PRKAR1A: variants seen among roughly 807,000 people sequenced by gnomAD.
The protein encoded by PRKAR1A is cAMP-dependent protein kinase type I-alpha regulatory subunit.
In PRKAR1A, 3 loss-of-function variants were observed where a neutral mutation model predicts 52.0. The ratio of observed to expected loss-of-function variants is 0.06; its 90% confidence interval spans 0.03 to 0.15. The LOEUF (loss-of-function observed/expected upper bound fraction) is 0.15, where lower values mean the gene tolerates loss of function less well. PRKAR1A is among the 10% of genes least tolerant of loss of function. PRKAR1A has a pLI of 1.00. For missense variants in PRKAR1A, 240 were observed against 477.4 expected (o/e 0.50, Z 4.63); for synonymous variants, 188 against 168.4 (o/e 1.12, Z -0.90).
chr17:68,456,869 T>C, the PRKAR1A span, among the ~76,000 whole-genome samples: 1 of 152,232 alleles, frequency 6.6e-6, no homozygotes, highest in Non-Finnish European at 1.5e-5. Flanking sequence ...AGATGCCACG[T>C]TGAGATGCTC....
chr17:68,426,254 G>GGGGGGGGGGGCCCCCCCCCCCCCC, the PRKAR1A span: 1 of 816,922 alleles, frequency 1.2e-6, no homozygotes, highest in Non-Finnish European at 1.9e-6. Context: ...GGGAGCGGGG[G>GGGGGGGGGGGCCCCCCCCCCCCCC]CTCAAATAAA....
chr17:68,543,613 TG>T (rs1449053537), intron 11 of PRKAR1A: 1 of 1,613,050 alleles, frequency 6.2e-7, no homozygotes. Flanking sequence ...GCCATCTCCA[TG>T]GGGCCAGACC....
Position 68,541,945 on chromosome 17 carries a change from C to T in PRKAR1A, c.974-9139C>T, listed in dbSNP as rs373114421. The T allele has an allele frequency of 3.6e-4, 577 of 1,589,012 alleles. 2 individuals are homozygous for T. Among genetic ancestry groups the T allele is most frequent in the Non-Finnish European group, 4.7e-4 (544 of 1,165,196 alleles). Reference sequence around the variant, plus strand: ...GTCCCTGGTACAGGGTCTGTGGCTACTGTCAAGGACTGGGCTGTGTGGCCT... The same window carrying T: ...GTCCCTGGTACAGGGTCTGTGGCTATTGTCAAGGACTGGGCTGTGTGGCCT... On this transcript the variant is annotated intron_variant, in intron 11 of 11. Coordinates refer to the PRKAR1A transcript ENST00000585981.
At chr17:68,420,552 C>G in the PRKAR1A span, 8 of 1,427,368 alleles carry the variant, frequency 5.6e-6, no homozygotes, top group African/African-American at 9.9e-5. Flanking sequence ...TACAAACACA[C>G]GCTTTAGTTT....
downstream of PRKAR1A, chr17:68,537,560 C>T (rs1437528689): frequency 1.9e-6 from 3 of 1,613,162 alleles, no homozygotes; most frequent in Admixed American, 1.7e-5. This position sits in a 1 kb window ranked among gnomAD's most constrained non-coding sequence, Gnocchi z 4.2. Context: ...TGTCCATGGG[C>T]CACTATGCAC....
At chr17:68,474,046 G>C in the PRKAR1A span, among the ~76,000 whole-genome samples, 1 of 151,958 alleles carries the variant, frequency 6.6e-6, no homozygotes, top group South Asian at 2.1e-4. Flanking sequence ...AGGAACTCTT[G>C]AAGAAAAAAA....
At chr17:68,464,410 A>G in the PRKAR1A span, among the ~76,000 whole-genome samples, 13 of 152,048 alleles carry the variant, frequency 8.5e-5, no homozygotes, top group East Asian at 5.8e-4. Context: ...TGATGTGCAC[A>G]CCCTCTTGCT....
chr17:68,545,063 C>T (rs1404610446), intron 11 of PRKAR1A, among the ~76,000 whole-genome samples: 1 of 152,166 alleles, frequency 6.6e-6, no homozygotes, highest in Non-Finnish European at 1.5e-5. Flanking sequence ...GTTCTACATT[C>T]TCTCTTTAAT....
intron 11 of PRKAR1A, among the ~76,000 whole-genome samples, chr17:68,544,679 A>T (rs2086467084): frequency 6.6e-6 from 1 of 152,122 alleles, no homozygotes; most frequent in African/African-American, 2.4e-5. Flanking sequence ...AAAAGTAGAG[A>T]TTCTATTTTA....
intron 11 of PRKAR1A, among the ~76,000 whole-genome samples, chr17:68,547,258 C>G (rs1315962354): frequency 1.3e-5 from 2 of 152,120 alleles, no homozygotes; most frequent in Non-Finnish European, 2.9e-5. Flanking sequence ...TCCTTTGAAT[C>G]TTTATCATTA....
chr17:68,540,102 G>A, intron 11 of PRKAR1A: 1 of 754,856 alleles, frequency 1.3e-6, no homozygotes, highest in Admixed American at 2.0e-5. Flanking sequence ...GCCTCACACT[G>A]TCATTTCCTC....
chr17:68,536,265 T>C (rs772210435), downstream of PRKAR1A: 2 of 454,054 alleles, frequency 4.4e-6, no homozygotes, highest in Non-Finnish European at 8.8e-6. Context: ...ATTTGAACTC[T>C]GGCCTTTACT....
At chr17:68,489,207 T>A in the PRKAR1A span, among the ~76,000 whole-genome samples, 229 of 40,184 alleles carry the variant, frequency 5.7e-3, 32 homozygotes, top group East Asian at 0.024. Context: ...TATATATATA[T>A]ATATATATAT....
chr17:68,542,781 T>C, intron 11 of PRKAR1A: 1 of 1,614,158 alleles, frequency 6.2e-7, no homozygotes, highest in Non-Finnish European at 8.5e-7. Flanking sequence ...CTCCCCACTG[T>C]TGGCGGCACC....
the PRKAR1A span, among the ~76,000 whole-genome samples, chr17:68,454,429 C>A: frequency 2.0e-5 from 3 of 152,234 alleles, no homozygotes; most frequent in African/African-American, 7.2e-5. Context: ...TTTTTCCCTA[C>A]CCAGACATTT....
At chr17:68,496,272 C>G in the PRKAR1A span, among the ~76,000 whole-genome samples, 1 of 151,120 alleles carries the variant, frequency 6.6e-6, no homozygotes, top group Non-Finnish European at 1.5e-5. Context: ...GAACTCCTGA[C>G]CTCAAATGAT....
upstream of PRKAR1A, among the ~76,000 whole-genome samples, chr17:68,508,505 C>G (rs1382369445): frequency 6.6e-6 from 1 of 152,042 alleles, no homozygotes; most frequent in African/African-American, 2.4e-5. Context: ...AAGATGGCAG[C>G]AATAGATACC....
At chr17:68,461,531 A>G in the PRKAR1A span, among the ~76,000 whole-genome samples, 2 of 152,314 alleles carry the variant, frequency 1.3e-5, no homozygotes, top group South Asian at 2.1e-4. The surrounding 1 kb of genome is among the most constrained non-coding windows in gnomAD (Gnocchi z 4.6). Context: ...TAAAGTAACT[A>G]CTAGGTGAAC....
chr17:68,548,874 C>T lies in PRKAR1A; in HGVS notation c.974-2210C>T, dbSNP rs867415594. ...CAGCCTCCCGAGCAGCTGGGACTAC[C>T]GGCACCCACCACCACGCCCGGCTAA... On this transcript the variant is annotated intron_variant, in intron 11 of 11. Coordinates refer to the PRKAR1A transcript ENST00000585981. 1.4e-4 allele frequency among the ~76,000 whole-genome samples: 21 copies of T among 151,226 alleles called. No homozygotes were observed. The Middle Eastern group carries it at 0.01, about 73-fold the overall frequency.
Sources: allele counts gnomAD v4.1 joint callset (sites outside exome capture counted in the v4.1 genomes callset), GRCh38; gene constraint gnomAD v4.1.1; non-coding constraint Gnocchi (gnomAD v3.1); transcripts MANE v1.5; gene names NCBI Gene and HGNC (gene_info 2026-07-23, HGNC 2026-07-21).